INVS: variants seen among roughly 807,000 people sequenced by gnomAD.
INVS encodes the protein inversin.
A neutral mutation model predicts 108.8 loss-of-function variants in INVS; 86 were observed. The ratio of observed to expected loss-of-function variants is 0.79; its 90% CI spans 0.66 to 0.95. The LOEUF is 0.95. Among genes scored for constraint, INVS ranks in the 40% least tolerant of loss-of-function variants. The pLI, the probability that INVS is intolerant of heterozygous loss-of-function variation, is 0.00. For missense variants in INVS, 1,169 were observed against 1,297.4 expected, an observed-to-expected ratio of 0.90 and a Z score of 1.52; for synonymous variants, 455 against 473.5, an observed-to-expected ratio of 0.96 and a Z score of 0.51.
chr9:100,184,126 C>T (rs562297116), intron 3 of INVS, among the ~76,000 whole-genome samples: 8 of 152,014 alleles, frequency 5.3e-5, no homozygotes, highest in East Asian at 3.9e-4. Flanking sequence ...AATGAAGTAT[C>T]GCTTTTTTTA....
At chr9:100,162,674 A>G (rs141550385) in intron 3 of INVS, among the ~76,000 whole-genome samples, 67 of 152,220 alleles carry the variant, frequency 4.4e-4, no homozygotes, top group African/African-American at 1.5e-3. Flanking sequence ...CCTGATTGCT[A>G]TGTCATTCAA....
intron 11 of INVS, among the ~76,000 whole-genome samples, chr9:100,267,539 C>T (rs1832831301): frequency 3.3e-5 from 5 of 152,206 alleles, no homozygotes; most frequent in Non-Finnish European, 7.3e-5. Context: ...CAGTGTAGTG[C>T]TAATTTTTAC....
chr9:100,193,896 A>G (rs748208958), intron 3 of INVS, among the ~76,000 whole-genome samples: 1 of 152,200 alleles, frequency 6.6e-6, no homozygotes, highest in Non-Finnish European at 1.5e-5. Context: ...TGCAGGCATG[A>G]ACAAGGTAAA....
chr9:100,114,475 C>T lies in INVS; in HGVS notation c.106+9848C>T, dbSNP rs1394698576. On this transcript the variant is annotated intron_variant, in intron 2 of 16. Coordinates refer to ENST00000262457, the MANE Select transcript of INVS (RefSeq NM_014425.5). The stretch of plus-strand genomic sequence containing the variant: ...GAAGAGCAGTGGTACAATCATGACT[C>T]ACTGCAGCCTCAACCTCCTAGGCTC... Among the ~76,000 whole-genome samples the T allele has an allele frequency of 1.4e-5, 2 of 140,404 alleles. 1 individual carries two copies. 92.1% of individuals were successfully genotyped at this position (140,404 alleles called of 152,430 possible). A position where few individuals can be genotyped will look rare whatever the true frequency, so the allele number is the denominator to read the frequency against.
intron 12 of INVS, 67 bp downstream of exon 12, chr9:100,273,143 G>A: frequency 1.6e-6 from 2 of 1,221,392 alleles, no homozygotes; most frequent in East Asian, 2.3e-5. Context: ...GGGTGTGGGG[G>A]GTGCTGGGGT....
intron 3 of INVS, among the ~76,000 whole-genome samples, chr9:100,159,133 A>C (rs1829092479): frequency 1.3e-5 from 2 of 152,222 alleles, no homozygotes; most frequent in African/African-American, 4.8e-5. Context: ...CTTTATAAAA[A>C]TACAAATGGA....
intron 3 of INVS, among the ~76,000 whole-genome samples, chr9:100,151,056 G>A (rs1015897383): frequency 6.6e-6 from 1 of 152,148 alleles, no homozygotes; most frequent in African/African-American, 2.4e-5. Flanking sequence ...GACATGTGAA[G>A]CAAGACTTAA....
intron 10 of INVS, among the ~76,000 whole-genome samples, chr9:100,255,899 G>A (rs146027230): frequency 0.019 from 2,850 of 152,240 alleles, 77 homozygotes; most frequent in African/African-American, 0.065. Flanking sequence ...TCTCTGCCAG[G>A]CTTTGGTATC....
Position 100,194,109 on chromosome 9 carries a change from G to A in INVS, c.274-31953G>A, listed in dbSNP as rs145944142. On this transcript the variant is annotated intron_variant, in intron 3 of 16. Coordinates refer to ENST00000262457, the MANE Select transcript of INVS (RefSeq NM_014425.5). Reference sequence around the variant, plus strand: ...ATAAATGTAATGGCTGGGTCATATAGCAGGTGTACGTTTAACTTTTAAGAA... The same window carrying A: ...ATAAATGTAATGGCTGGGTCATATAACAGGTGTACGTTTAACTTTTAAGAA... Among the ~76,000 whole-genome samples, 526 of 152,282 alleles carry A rather than the reference G, an allele frequency of 3.5e-3. 2 individuals are homozygous for A. The highest frequency in any genetic ancestry group is 0.011 in the African/African-American group (472 of 41,554).
chr9:100,257,840 AT>A (rs1454582924), intron 10 of INVS, among the ~76,000 whole-genome samples: 3 of 151,874 alleles, frequency 2.0e-5, no homozygotes, highest in African/African-American at 7.3e-5. Flanking sequence ...TGCCCTTAAC[AT>A]TTTTTCCTTC....
intron 3 of INVS, among the ~76,000 whole-genome samples, chr9:100,187,919 G>A (rs1019638594): frequency 2.0e-5 from 3 of 152,054 alleles, no homozygotes; most frequent in African/African-American, 7.2e-5. Flanking sequence ...TTGTTTTGGT[G>A]GTGGTGTTGT....
At chr9:100,226,895 G>A (rs1831344184) in intron 4 of INVS, among the ~76,000 whole-genome samples, 1 of 151,812 alleles carries the variant, frequency 6.6e-6, no homozygotes, top group Non-Finnish European at 1.5e-5. Context: ...AGTTACTATA[G>A]GTGGTTAGAC....
intron 3 of INVS, among the ~76,000 whole-genome samples, chr9:100,145,846 A>G (rs1219040553): frequency 6.6e-6 from 1 of 152,156 alleles, no homozygotes; most frequent in East Asian, 1.9e-4. Flanking sequence ...TCTACCAGAA[A>G]AGGAAAGGAA....
intron 12 of INVS, among the ~76,000 whole-genome samples, chr9:100,277,471 A>G (rs1833148046): frequency 6.6e-6 from 1 of 152,184 alleles, no homozygotes; most frequent in Non-Finnish European, 1.5e-5. Flanking sequence ...CATCAGTAAA[A>G]TGGAAAGAGG....
intron 13 of INVS, among the ~76,000 whole-genome samples, chr9:100,286,815 T>C (rs1252697548): frequency 6.6e-6 from 1 of 152,138 alleles, no homozygotes; most frequent in South Asian, 2.1e-4. Context: ...TCAACCAATA[T>C]CTCCCCGCTA....
rs191361943 is a variant in INVS, at chr9:100,126,156, C to G, written c.107-227C>G. ...TATGATTGAGTCATCAGTTTAAATT[C>G]TAGCCCCACCTACTTTCAGTGTGAA... On this transcript the variant is annotated intron_variant, in intron 2 of 16. Transcript: ENST00000262457. 6.6e-5 allele frequency among the ~76,000 whole-genome samples: 10 copies of G among 152,314 alleles called. No individual in the cohort carries two copies. In the East Asian group the frequency reaches 1.9e-3, roughly 29 times the overall value.
At chr9:100,241,988 G>A (rs768709773) in intron 6 of INVS, among the ~76,000 whole-genome samples, 5 of 152,026 alleles carry the variant, frequency 3.3e-5, no homozygotes, top group African/African-American at 9.7e-5. Flanking sequence ...TGTCTTCATC[G>A]CTGCCTTATC....
intron 3 of INVS, among the ~76,000 whole-genome samples, chr9:100,193,645 A>G (rs1830289630): frequency 6.6e-6 from 1 of 152,172 alleles, no homozygotes; most frequent in Admixed American, 6.5e-5. Context: ...CTGTCACAAC[A>G]GATTGATTTG....
At chr9:100,287,063 T>C (rs1833466697) in intron 13 of INVS, among the ~76,000 whole-genome samples, 1 of 152,226 alleles carries the variant, frequency 6.6e-6, no homozygotes, top group Non-Finnish European at 1.5e-5. Flanking sequence ...TTGGGAAGTT[T>C]GTTTACGGGC....
Sources: allele counts gnomAD v4.1 joint callset (sites outside exome capture counted in the v4.1 genomes callset), GRCh38; gene constraint gnomAD v4.1.1; transcripts MANE v1.5; gene names NCBI Gene and HGNC (gene_info 2026-07-23, HGNC 2026-07-21).